PRR16: variants seen among roughly 807,000 people sequenced by gnomAD.
The protein encoded by PRR16 is protein Largen.
PRR16 carries 6 observed loss-of-function variants against 18.2 expected under a neutral mutation model. The ratio of observed to expected loss-of-function variants is 0.33; its 90% CI spans 0.18 to 0.65. The LOEUF (loss-of-function observed/expected upper bound fraction) is 0.65, where lower values mean the gene tolerates loss of function less well. Ranked by LOEUF, PRR16 falls within the 30% of genes least tolerant of loss-of-function variation. The probability of loss-of-function intolerance (pLI) is 0.74; values close to 1 mark genes in which losing one functional copy is unlikely to be tolerated. For missense variants in PRR16, 412 were observed against 376.6 expected (o/e 1.09, Z -0.78); for synonymous variants, 151 against 147.8 (o/e 1.02, Z -0.16).
At chr5:120,694,966 A>G in the PRR16 span, among the ~76,000 whole-genome samples, 84 of 152,190 alleles carry the variant, frequency 5.5e-4, 2 homozygotes, top group Non-Finnish European at 2.1e-4. Flanking sequence ...CTGACCAAGC[A>G]TAAAAGTTTG....
At chr5:120,490,160 G>A (rs1447647907) in intron 1 of PRR16, among the ~76,000 whole-genome samples, 1 of 152,038 alleles carries the variant, frequency 6.6e-6, no homozygotes, top group Admixed American at 6.6e-5. Context: ...GAGTATCTTT[G>A]TGGCGTTCTC....
At chr5:120,750,710 G>T in the PRR16 span, among the ~76,000 whole-genome samples, 1 of 151,896 alleles carries the variant, frequency 6.6e-6, no homozygotes, top group African/African-American at 2.4e-5. Context: ...ATATTTATGA[G>T]GCACATGTGT....
rs1216990392 is a variant in PRR16 at position 120,686,008 on chromosome 5, A to G, written c.214A>G (p.Thr72Ala). ...TSDLQLEDEM[T>A]DSSKTDTLNS... The stretch of plus-strand genomic sequence containing the variant: ...TGACCTACAGCTGGAGGATGAGATG[A>G]CTGACAGCTCCAAAACGGACACGCT... Residue 72 changes from threonine (T) to alanine (A), a missense_variant, in exon 2 of 2, where the codon ACT becomes GCT. Coordinates refer to ENST00000407149, the MANE Select transcript of PRR16 (RefSeq NM_001300783.2). 7 of 1,614,006 alleles carry G rather than the reference A, an allele frequency of 4.3e-6. No individual in the cohort carries two copies. In the Admixed American group the frequency reaches 6.7e-5, roughly 15 times the overall value.
Position 120,490,692 on chromosome 5 carries a change from T to A in PRR16, c.159+26047T>A, listed in dbSNP as rs190787279. ...CTGTGCAGCTTTGTTCCGTTGCTGG[T>A]GAGGAACTGCGTTCCTTTGGAGGAG... On this transcript the variant is annotated intron_variant, in intron 1 of 1. Coordinates refer to ENST00000407149, the MANE Select transcript of PRR16 (RefSeq NM_001300783.2). Among the ~76,000 whole-genome samples the A allele has an allele frequency of 4.5e-3, 693 of 152,376 alleles. 3 individuals carry two copies. The highest frequency in any genetic ancestry group is 0.016 in the African/African-American group (652 of 41,578).
At chr5:120,510,637 A>C (rs1463239366) in intron 1 of PRR16, among the ~76,000 whole-genome samples, 1 of 152,312 alleles carries the variant, frequency 6.6e-6, no homozygotes, top group East Asian at 1.9e-4. Flanking sequence ...AATAGAATGC[A>C]CTGGGTGATG....
chr5:120,730,196 T>G, the PRR16 span, among the ~76,000 whole-genome samples: 1 of 152,130 alleles, frequency 6.6e-6, no homozygotes, highest in African/African-American at 2.4e-5. Flanking sequence ...TGTAGGAGAA[T>G]GGTATGAAGA....
intron 1 of PRR16, among the ~76,000 whole-genome samples, chr5:120,483,351 T>C (rs1194249059): frequency 1.3e-5 from 2 of 152,178 alleles, no homozygotes; most frequent in African/African-American, 4.8e-5. Flanking sequence ...TTGGACTTGG[T>C]GAGCCCTGTA....
chr5:120,495,497 C>A lies in PRR16; in HGVS notation c.159+30852C>A, dbSNP rs946714662. On this transcript the variant is annotated intron_variant, in intron 1 of 1. Transcript: ENST00000407149. ...TAGTACAATGCCTACAATATCACTT[C>A]ATTCATGTGGATTCAAAATAGTGCT... is the stretch of plus-strand genomic sequence containing the variant. 2.0e-5 allele frequency among the ~76,000 whole-genome samples: 3 copies of A among 152,096 alleles called. 1 individual carries two copies. The highest frequency in any genetic ancestry group is 2.0e-4 in the Admixed American group (3 of 15,270).
At chr5:120,558,094 G>A (rs1319041412) in intron 1 of PRR16, among the ~76,000 whole-genome samples, 2 of 151,750 alleles carry the variant, frequency 1.3e-5, no homozygotes, top group Admixed American at 6.6e-5. Context: ...ATCCCATCAT[G>A]GAAAATGGGG....
intron 1 of PRR16, among the ~76,000 whole-genome samples, chr5:120,521,539 T>C (rs1751180666): frequency 2.0e-5 from 3 of 152,260 alleles, no homozygotes; most frequent in Non-Finnish European, 2.9e-5. Flanking sequence ...TAATTGTACA[T>C]ATTTATGGGG....
chr5:120,737,643 CT>C, the PRR16 span, among the ~76,000 whole-genome samples: 100 of 141,482 alleles, frequency 7.1e-4, no homozygotes, highest in Admixed American at 1.3e-3. Flanking sequence ...TTCTTTCTTT[CT>C]TTTTTTTTTT....
chr5:120,558,611 G>A (rs10073813), intron 1 of PRR16, among the ~76,000 whole-genome samples: 31,404 of 151,702 alleles, frequency 0.21, 3,434 homozygotes, highest in Non-Finnish European at 0.21. Flanking sequence ...AACAAATATA[G>A]GAGTGCAGAT....
intron 1 of PRR16, among the ~76,000 whole-genome samples, chr5:120,597,970 G>T (rs1413654057): frequency 1.3e-5 from 2 of 151,786 alleles, no homozygotes; most frequent in Non-Finnish European, 2.9e-5. Flanking sequence ...TCCCAGTAAT[G>T]AATATGGATT....
intron 1 of PRR16, among the ~76,000 whole-genome samples, chr5:120,571,129 G>A (rs1332709946): frequency 6.6e-6 from 1 of 152,152 alleles, no homozygotes; most frequent in Non-Finnish European, 1.5e-5. Flanking sequence ...GCTTTTATAA[G>A]CTTGTGAATT....
Position 120,466,532 on chromosome 5 carries a change from G to T in PRR16, c.159+1887G>T, listed in dbSNP as rs116413485. 7.3e-3 allele frequency among the ~76,000 whole-genome samples: 1,118 copies of T among 152,276 alleles called. 6 individuals carry two copies. Among genetic ancestry groups the T allele is most frequent in the Non-Finnish European group, 0.011 (767 of 68,010 alleles). Reference sequence around the variant, plus strand: ...TGCACAGAATAAATGACAAGAAACTGCACATGGTCCTGGTTTTGCTTTGCA... The same window carrying T: ...TGCACAGAATAAATGACAAGAAACTTCACATGGTCCTGGTTTTGCTTTGCA... On this transcript the variant is annotated intron_variant, in intron 1 of 1. Coordinates refer to ENST00000407149, the MANE Select transcript of PRR16 (RefSeq NM_001300783.2).
At chr5:120,763,754 G>GT in the PRR16 span, among the ~76,000 whole-genome samples, 1 of 151,944 alleles carries the variant, frequency 6.6e-6, no homozygotes, top group Non-Finnish European at 1.5e-5. Flanking sequence ...AAGTTTACTT[G>GT]TAGAGGTGTT....
intron 1 of PRR16, among the ~76,000 whole-genome samples, chr5:120,655,734 T>G (rs112354825): frequency 3.1e-5 from 1 of 32,690 alleles, no homozygotes; most frequent in Non-Finnish European, 5.9e-5. Context: ...ACTTTTTTTT[T>G]TTGTTTTTTT....
At chr5:120,595,670 G>A (rs767184021) in intron 1 of PRR16, among the ~76,000 whole-genome samples, 14 of 151,874 alleles carry the variant, frequency 9.2e-5, no homozygotes, top group Non-Finnish European at 1.9e-4. Context: ...ACGCACACCT[G>A]TGAACCTAAA....
intron 1 of PRR16, among the ~76,000 whole-genome samples, chr5:120,497,177 G>C (rs1454719069): frequency 3.3e-5 from 5 of 152,066 alleles, no homozygotes; most frequent in Non-Finnish European, 5.9e-5. Context: ...TGTGCATTCT[G>C]CTCTTTCAAG....
Sources: gnomAD v4.1 joint callset for allele counts (sites outside exome capture counted in the v4.1 genomes callset) on GRCh38, gnomAD v4.1.1 for gene constraint, MANE v1.5 for transcripts, NCBI Gene and HGNC (gene_info 2026-07-23, HGNC 2026-07-21) for gene names.